Variants in SNAPC3 observed in about 807,000 individuals in gnomAD.
SNAPC3 encodes the protein snRNA-activating protein complex subunit 3.
In SNAPC3, 56 loss-of-function variants were observed where a neutral mutation model predicts 47.7. The ratio of observed to expected loss-of-function variants is 1.18; its 90% CI spans 0.95 to 1.47. The LOEUF (loss-of-function observed/expected upper bound fraction) is 1.47. Among genes scored for constraint, SNAPC3 ranks in the 40% most tolerant of loss-of-function variants. The pLI is 0.00. For missense variants in SNAPC3, 665 were observed against 511.3 expected, an observed-to-expected ratio of 1.30 and a Z score of -2.90; for synonymous variants, 235 against 189.9, an observed-to-expected ratio of 1.24 and a Z score of -1.95.
At chr9:15,423,303 G>T in intron 1 of SNAPC3, 110 bp downstream of exon 1, 1 of 1,138,284 alleles carries the variant, frequency 8.8e-7, no homozygotes, top group African/African-American at 1.6e-5. Context: ...TTTAGACCTG[G>T]GCTAGGAGTA....
At chr9:15,463,868 T>C (rs1442517366), downstream of SNAPC3, 2 of 152,748 alleles carry the variant, frequency 1.3e-5, no homozygotes, top group South Asian at 2.1e-4. Flanking sequence ...TGGTGGGTCA[T>C]GGGAAGAAAG....
intron 5 of SNAPC3, 103 bp downstream of exon 5, chr9:15,447,347 C>A (rs981617050): frequency 1.0e-6 from 1 of 986,340 alleles, no homozygotes; most frequent in Non-Finnish European, 1.5e-6. Flanking sequence ...TTTTCTTCTC[C>A]TGCGGGATTC....
At position 15,444,613 on chromosome 9, in the gene SNAPC3, C is replaced by G; in HGVS notation, c.489C>G (p.Ala163=). The change falls in exon 4 of 9, where the codon GCC becomes GCG. Residue 163 remains alanine, a synonymous_variant. Transcript: ENST00000380821. The stretch of plus-strand genomic sequence containing the variant: ...TTTTCTTTCTTCAGGAGTCACATGC[C>G]ATAGGAAAAAAGCCTGAAAATTCAG... The part of the protein sequence containing the change: ...ETFVYEMESH[A]IGKKPENSAD... The G allele has an allele frequency of 6.2e-7, 1 of 1,607,188 alleles. No individual in the cohort carries two copies. The highest frequency in any genetic ancestry group is 8.5e-7 in the Non-Finnish European group (1 of 1,174,120).
In SNAPC3 at chr9:15,423,874, C is replaced by T. The variant is rs759371416; in HGVS notation, c.315-35C>T. 7.9e-6 allele frequency: 10 copies of T among 1,268,680 alleles called. No individual in the cohort carries two copies. In the South Asian group the frequency reaches 1.2e-4, roughly 15 times the overall value. The allele number at this position is 1,268,680 out of a possible 1,614,324, so 78.6% of individuals were successfully genotyped here. A position where few individuals can be genotyped will look rare whatever the true frequency, so the allele number is the denominator to read the frequency against. On this transcript the variant is annotated intron_variant, in intron 1 of 8. Coordinates refer to ENST00000380821, the MANE Select transcript of SNAPC3 (RefSeq NM_001039697.2). ...ACTCGCTGTGAACCAGATGCAGAGT[C>T]GACCTTAAAGTATTGCTTTTCCTTT... is the stretch of plus-strand genomic sequence containing the variant.
Position 15,447,127 on chromosome 9 carries a change from G to T in SNAPC3, c.615G>T (p.Leu205=), listed in dbSNP as rs762794925. 2.5e-6 allele frequency: 4 copies of T among 1,613,772 alleles called. No individual in the cohort carries two copies. Among genetic ancestry groups the T allele is most frequent in the Non-Finnish European group, 2.5e-6 (3 of 1,179,860 alleles). The change falls in exon 5 of 9, where the codon CTG becomes CTT. Residue 205 remains leucine (L), a synonymous_variant. Transcript: ENST00000380821. ...AACACAAACCATACCAAACAATGCT[G>T]GTGTTGGGCAGTCAAAAACTCACAC... The part of the protein sequence containing the change: ...HKEHKPYQTM[L]VLGSQKLTQL...
At chr9:15,455,876 A>C (rs2034748376) in intron 7 of SNAPC3, among the ~76,000 whole-genome samples, 1 of 139,756 alleles carries the variant, frequency 7.2e-6, no homozygotes. Context: ...TTTTTGTATT[A>C]TTTATTTATT....
intron 5 of SNAPC3, among the ~76,000 whole-genome samples, chr9:15,448,372 A>G (rs975504184): frequency 1.2e-4 from 18 of 152,020 alleles, no homozygotes; most frequent in Non-Finnish European, 1.9e-4. Flanking sequence ...TCATCAGTGT[A>G]CCATACTTTT....
rs1324434681 is a variant in SNAPC3, at chr9:15,453,040, GA to G, written c.817del (p.Thr273LeufsTer54). The G allele has an allele frequency of 2.5e-6, 4 of 1,607,562 alleles. No individual in the cohort carries two copies. In the African/African-American group the frequency reaches 4.0e-5, roughly 16 times the overall value. ...KRYPECRDLSRTIIEWSESHD... is the reference protein window; with the variant it reads ...KRYPECRDLSXTIIEWSESHD... Reference sequence around the variant, plus strand: ...TATATCCTTGCCTTTTCCCCCCTCAGAACTATCATTGAGTGGTCAGAGTCCC... The same window carrying G: ...TATATCCTTGCCTTTTCCCCCCTCAGACTATCATTGAGTGGTCAGAGTCCC... On this transcript the variant is annotated frameshift_variant and splice_region_variant, in exon 7 of 9. Coordinates refer to ENST00000380821, the MANE Select transcript of SNAPC3 (RefSeq NM_001039697.2). LOFTEE classifies it high-confidence loss of function.
At position 15,423,006 on chromosome 9, in the gene SNAPC3, C is replaced by T. The variant is rs769949624; in HGVS notation, c.127C>T (p.His43Tyr). 9.5e-5 allele frequency: 147 copies of T among 1,545,938 alleles called. No individual in the cohort carries two copies. Among genetic ancestry groups the T allele is most frequent in the Non-Finnish European group, 1.2e-4 (133 of 1,153,080 alleles). ...TCCCGAGCTAAATACGCGCGCTTTC[C>T]ATGTGGGCGCCTTTGGGGAGCTGTG... ...ELPELNTRAFHVGAFGELWRG... is the reference protein window; with the variant it reads ...ELPELNTRAFYVGAFGELWRG... The change falls in exon 1 of 9, where the codon CAT (histidine) becomes TAT (tyrosine). Residue 43 changes from histidine to tyrosine, a missense_variant. His to Tyr is a moderately conservative substitution (Grantham distance 83, BLOSUM62 2). Coordinates refer to ENST00000380821, the MANE Select transcript of SNAPC3 (RefSeq NM_001039697.2).
At chr9:15,431,800 A>C (rs1047658499) in intron 2 of SNAPC3, 6 of 152,132 alleles carry the variant, frequency 3.9e-5, no homozygotes, top group Admixed American at 2.0e-4. Flanking sequence ...ACTAAAAAAT[A>C]AGGCTAGTTG....
At chr9:15,441,166 T>C (rs989185350) in intron 3 of SNAPC3, among the ~76,000 whole-genome samples, 3 of 147,710 alleles carry the variant, frequency 2.0e-5, no homozygotes, top group Non-Finnish European at 4.4e-5. Flanking sequence ...TTGAGCACAT[T>C]TAAGTCAGTT....
chr9:15,461,799 G>A (rs1437800867), downstream of SNAPC3: 2 of 152,186 alleles, frequency 1.3e-5, no homozygotes, highest in Non-Finnish European at 2.9e-5. Flanking sequence ...ACAAGCACGA[G>A]TTTCTGGTAT....
chr9:15,432,067 G>T (rs1364191222), intron 2 of SNAPC3: 1 of 151,988 alleles, frequency 6.6e-6, no homozygotes, highest in Non-Finnish European at 1.5e-5. Context: ...TCTCACAGGG[G>T]TATAGGTTAG....
Position 15,459,876 on chromosome 9 carries a change from C to A in SNAPC3, c.*10C>A. 1 of 1,601,686 alleles carries A rather than the reference C, an allele frequency of 6.2e-7. No individual in the cohort carries two copies. The highest frequency in any genetic ancestry group is 8.5e-7 in the Non-Finnish European group (1 of 1,175,870). ...TGGAACCTTTAATTAAGAATAGCTACACTCACAAAAATACCCCCTCATGAA... is the reference window on the plus strand; with the variant it reads ...TGGAACCTTTAATTAAGAATAGCTAAACTCACAAAAATACCCCCTCATGAA... On this transcript the variant is annotated 3_prime_UTR_variant, in exon 9 of 9. Coordinates refer to ENST00000380821, the MANE Select transcript of SNAPC3 (RefSeq NM_001039697.2).
chr9:15,464,378 G>A (rs2035465076), downstream of SNAPC3: 1 of 195,338 alleles, frequency 5.1e-6, no homozygotes. Flanking sequence ...TTGCTGAGAA[G>A]TGCCAAATGA....
intron 2 of SNAPC3, among the ~76,000 whole-genome samples, chr9:15,424,501 C>T (rs1338153286): frequency 6.6e-6 from 1 of 151,698 alleles, no homozygotes; most frequent in Non-Finnish European, 1.5e-5. Context: ...TGATAAAATA[C>T]TATAAAAAGA....
downstream of SNAPC3, chr9:15,462,753 C>G (rs1015472073): frequency 4.6e-5 from 7 of 152,222 alleles, no homozygotes; most frequent in East Asian, 3.8e-4. Flanking sequence ...TCAGTCATCT[C>G]TAACATTGTG....
chr9:15,453,400 C>T, intron 7 of SNAPC3, 195 bp downstream of exon 7: 1 of 465,886 alleles, frequency 2.1e-6, no homozygotes, highest in Admixed American at 3.9e-5. Context: ...CTCTATTGTT[C>T]ATTATTTTGG....
intron 4 of SNAPC3, among the ~76,000 whole-genome samples, chr9:15,445,522 T>C (rs2033858229): frequency 6.6e-6 from 1 of 152,230 alleles, no homozygotes. Flanking sequence ...TCTTGATTCC[T>C]TAAATAGATG....
Sources: allele counts gnomAD v4.1 joint callset (sites outside exome capture counted in the v4.1 genomes callset), GRCh38; gene constraint gnomAD v4.1.1; transcripts MANE v1.5; gene names NCBI Gene and HGNC (gene_info 2026-07-23, HGNC 2026-07-21).